The following DRC9 variants were observed in gnomAD, a reference collection of about 807,000 sequenced individuals.
DRC9 encodes the protein dynein regulatory complex protein 9.
chr3:197,903,913 C>T, the DRC9 span, among the ~76,000 whole-genome samples: 3 of 151,228 alleles, frequency 2.0e-5, no homozygotes, highest in Non-Finnish European at 4.4e-5. Flanking sequence ...GTTCAAGGCC[C>T]GCCTGGGCAA....
the DRC9 span, among the ~76,000 whole-genome samples, chr3:197,901,118 C>T: frequency 2.0e-5 from 3 of 152,158 alleles, no homozygotes; most frequent in East Asian, 3.9e-4. The surrounding 1 kb of genome is among the most constrained non-coding windows in gnomAD (Gnocchi z 4.4). Context: ...TACCAAGAGG[C>T]TCTTGGAGTC....
chr3:197,950,826 A>G, the DRC9 span: 25 of 917,678 alleles, frequency 2.7e-5, no homozygotes, highest in Non-Finnish European at 4.2e-5. Context: ...CCGAACTCCT[A>G]CATGAAACTC....
At chr3:197,905,330 C>T in the DRC9 span, among the ~76,000 whole-genome samples, 2 of 152,082 alleles carry the variant, frequency 1.3e-5, no homozygotes, top group Non-Finnish European at 2.9e-5. Flanking sequence ...TATCAAAGTA[C>T]GTCATGCACT....
At chr3:197,889,164 A>G in the DRC9 span, 169 of 187,470 alleles carry the variant, frequency 9.0e-4, no homozygotes, top group African/African-American at 3.6e-3. Flanking sequence ...TGTAATTCCT[A>G]CTGAATACTT....
chr3:197,950,646 C>T, the DRC9 span: 2 of 478,632 alleles, frequency 4.2e-6, no homozygotes, highest in Non-Finnish European at 7.4e-6. Context: ...TGAGTGTTGC[C>T]TACTGATAAC....
the DRC9 span, among the ~76,000 whole-genome samples, chr3:197,924,054 G>A: frequency 1.3e-5 from 2 of 152,002 alleles, no homozygotes; most frequent in African/African-American, 4.8e-5. Context: ...TGAAGATCCT[G>A]TGTCTACAAC....
chr3:197,897,638 C>T, the DRC9 span, among the ~76,000 whole-genome samples: 1 of 152,078 alleles, frequency 6.6e-6, no homozygotes, highest in Admixed American at 6.6e-5. Context: ...GACAGCTAGA[C>T]TAATAGACAT....
the DRC9 span, chr3:197,949,928 G>C: frequency 4.8e-6 from 2 of 413,664 alleles, no homozygotes; most frequent in Non-Finnish European, 8.3e-6. Flanking sequence ...AGTAAACTAA[G>C]TTGTTTCTAT....
At chr3:197,893,948 A>G in the DRC9 span, among the ~76,000 whole-genome samples, 5 of 152,346 alleles carry the variant, frequency 3.3e-5, no homozygotes, top group East Asian at 9.6e-4. Context: ...GACTATACTC[A>G]ATATTTCTGA....
the DRC9 span, chr3:197,956,566 TTA>T: frequency 6.6e-6 from 1 of 152,042 alleles, no homozygotes; most frequent in Non-Finnish European, 1.5e-5. Context: ...CCTAAATATT[TTA>T]GATTTCTTGG....
At chr3:197,921,501 C>A in the DRC9 span, among the ~76,000 whole-genome samples, 1 of 135,892 alleles carries the variant, frequency 7.4e-6, no homozygotes, top group Admixed American at 7.4e-5. Flanking sequence ...AACTTGGTTT[C>A]TTCTTGGTCG....
chr3:197,903,991 CAT>C, the DRC9 span, among the ~76,000 whole-genome samples: 21,784 of 143,322 alleles, frequency 0.15, 1,891 homozygotes, highest in African/African-American at 0.22. Context: ...TACACACACA[CAT>C]ATATATATAC....
At chr3:197,928,341 CTTTTT>C in the DRC9 span, among the ~76,000 whole-genome samples, 4 of 130,636 alleles carry the variant, frequency 3.1e-5, no homozygotes, top group African/African-American at 1.2e-4. Flanking sequence ...TCTGTTCCCT[CTTTTT>C]TTTTTTTTTT....
chr3:197,935,314 C>G, the DRC9 span, among the ~76,000 whole-genome samples: 1 of 151,928 alleles, frequency 6.6e-6, no homozygotes, highest in South Asian at 2.1e-4. Flanking sequence ...GTGACGCACG[C>G]CAGTAATCCC....
chr3:197,952,509 T>G, the DRC9 span: 1 of 152,112 alleles, frequency 6.6e-6, no homozygotes, highest in African/African-American at 2.4e-5. Context: ...TTCTTTCTTT[T>G]TTGAGACAGA....
chr3:197,913,268 C>T, the DRC9 span: 3 of 185,504 alleles, frequency 1.6e-5, no homozygotes, highest in Non-Finnish European at 3.4e-5. Flanking sequence ...ACTCAAGGAT[C>T]CTCCTGCCTC....
At chr3:197,902,966 G>A in the DRC9 span, among the ~76,000 whole-genome samples, 1 of 152,086 alleles carries the variant, frequency 6.6e-6, no homozygotes, top group African/African-American at 2.4e-5. Flanking sequence ...GCATGGTACT[G>A]GAATAAAAAC....
chr3:197,914,205 A>G, the DRC9 span, among the ~76,000 whole-genome samples: 2 of 152,238 alleles, frequency 1.3e-5, no homozygotes, highest in African/African-American at 4.8e-5. Context: ...CATGAAGTGT[A>G]TAGATGAAAG....
chr3:197,923,018 G>T, the DRC9 span, among the ~76,000 whole-genome samples: 4 of 152,120 alleles, frequency 2.6e-5, no homozygotes, highest in African/African-American at 9.7e-5. Context: ...ATGACATCAA[G>T]ACCTAGAGCT....
Sources: gnomAD v4.1 joint callset for allele counts (sites outside exome capture counted in the v4.1 genomes callset) on GRCh38, gnomAD v4.1.1 for gene constraint, Gnocchi (gnomAD v3.1) non-coding constraint, MANE v1.5 for transcripts, NCBI Gene and HGNC (gene_info 2026-07-23, HGNC 2026-07-21) for gene names.